DNAH10: variants seen among roughly 807,000 people sequenced by gnomAD.
The protein encoded by DNAH10 is dynein axonemal heavy chain 10, also known as axonemal beta dynein heavy chain 10.
DNAH10 carries 348 observed loss-of-function variants against 506.6 expected under a neutral mutation model. The ratio of observed to expected loss-of-function variants is 0.69; its 90% CI spans 0.63 to 0.75. DNAH10 has a LOEUF of 0.75. DNAH10 is among the 30% of genes least tolerant of loss of function. DNAH10 has a pLI of 0.00. For synonymous variants in DNAH10, 2,059 were observed against 2,198.6 expected, an observed-to-expected ratio of 0.94 and a Z score of 1.78; for missense variants, 5,179 against 5,787.1, an observed-to-expected ratio of 0.89 and a Z score of 3.41.
In DNAH10 at chr12:123,787,930, T is replaced by G; in HGVS notation, c.1548T>G (p.Phe516Leu). The change falls in exon 10 of 79, where the codon TTT (phenylalanine) becomes TTG (leucine). Residue 516 changes from phenylalanine to leucine, a missense_variant. Coordinates refer to ENST00000673944, the MANE Select transcript of DNAH10 (RefSeq NM_001372106.1). The surrounding 1 kb of genome is among the most constrained non-coding windows in gnomAD (Gnocchi z 4.6). ...CGGGGAGGGAAGATCGGTGGGAGTT[T>G]GACCGGAAGCGGCTGTTCGAGAGGA... The part of the protein sequence containing the change: ...EASGREDRWE[F>L]DRKRLFERTD... The G allele has an allele frequency of 2.5e-6, 4 of 1,607,862 alleles. No homozygotes were observed. The highest frequency in any genetic ancestry group is 2.2e-5 in the South Asian group (2 of 89,750).
intron 43 of DNAH10, among the ~76,000 whole-genome samples, chr12:123,869,887 TG>T (rs1951959685): frequency 6.6e-6 from 1 of 152,202 alleles, no homozygotes; most frequent in Admixed American, 6.5e-5. Context: ...CTGCCCCGCC[TG>T]GGTTGCTGCC....
At chr12:123,833,375 A>T in intron 27 of DNAH10, 28 bp downstream of exon 27, 2 of 1,570,862 alleles carry the variant, frequency 1.3e-6, no homozygotes, top group South Asian at 2.3e-5. Flanking sequence ...CAAAAGATGG[A>T]TTAGAGCCAG....
chr12:123,844,666 T>C (rs1950886124), intron 30 of DNAH10, among the ~76,000 whole-genome samples: 1 of 152,190 alleles, frequency 6.6e-6, no homozygotes, highest in Non-Finnish European at 1.5e-5. Flanking sequence ...TGAGACAGGG[T>C]CTTGCTCTGT....
intron 50 of DNAH10, among the ~76,000 whole-genome samples, chr12:123,881,422 TG>T (rs1952501221): frequency 6.6e-6 from 1 of 152,240 alleles, no homozygotes; most frequent in Non-Finnish European, 1.5e-5. Context: ...CATTTTTTCA[TG>T]TGTCTTTTGG....
Position 123,850,024 on chromosome 12 carries a change from CCTGGGCCAT to C in DNAH10, c.6103-847_6103-839del, listed in dbSNP as rs1190315067. Reference sequence around the variant, plus strand: ...GAGGCAGCAGCTATCTGCTCTTCCCCCTGGGCCATCTGGGCCATCTGGGCCTCTTGTGGG... The same window carrying C: ...GAGGCAGCAGCTATCTGCTCTTCCCCCTGGGCCATCTGGGCCTCTTGTGGG... On this transcript the variant is annotated intron_variant, in intron 34 of 78. Transcript: ENST00000673944. The surrounding 1 kb of genome is among the most constrained non-coding windows in gnomAD (Gnocchi z 5.5). Among the ~76,000 whole-genome samples the C allele has an allele frequency of 6.6e-6, 1 of 152,102 alleles. No homozygotes were observed. The highest frequency in any genetic ancestry group is 1.5e-5 in the Non-Finnish European group (1 of 68,022).
At chr12:123,852,115 C>T (rs1489778408) in intron 35 of DNAH10, among the ~76,000 whole-genome samples, 1 of 152,180 alleles carries the variant, frequency 6.6e-6, no homozygotes, top group African/African-American at 2.4e-5. Context: ...ACCCTAACTC[C>T]TGCAACCCCT....
intron 27 of DNAH10, among the ~76,000 whole-genome samples, chr12:123,834,299 C>A (rs939892528): frequency 6.6e-6 from 1 of 152,162 alleles, no homozygotes; most frequent in African/African-American, 2.4e-5. Context: ...CCTCTGCCAG[C>A]CGGATTCAAG....
At chr12:123,896,614 C>T (rs372133923) in intron 54 of DNAH10, among the ~76,000 whole-genome samples, 4 of 151,362 alleles carry the variant, frequency 2.6e-5, no homozygotes, top group Non-Finnish European at 5.9e-5. Flanking sequence ...GTGATCGCTT[C>T]TGAAAACCCA....
In DNAH10 at chr12:123,819,245, A is replaced by T. The variant is rs751917258; in HGVS notation, c.3995A>T (p.Asp1332Val). 6.2e-7 allele frequency: 1 copy of T among 1,611,280 alleles called. No individual in the cohort carries two copies. Among genetic ancestry groups the T allele is most frequent in the South Asian group, 1.1e-5 (1 of 90,326 alleles). Residue 1332 changes from aspartate (D) to valine (V), a missense_variant, in exon 23 of 79, where the codon GAT (aspartate) becomes GTT (valine). Asp to Val is a radical substitution (Grantham distance 152, BLOSUM62 -3). Transcript: ENST00000673944. Reference sequence around the variant, plus strand: ...CCTGGTTCTGTTGGTGATGATCTTGATAAAGGTAAGAATGTTCCTGTTGGT... The same window carrying T: ...CCTGGTTCTGTTGGTGATGATCTTGTTAAAGGTAAGAATGTTCCTGTTGGT... ...EGPGSVGDDL[D>V]KGVELLGVYE...
rs951475672 is a variant in DNAH10, at chr12:123,881,730, C to T, written c.8740C>T (p.Arg2914Cys). The change falls in exon 51 of 79, where the codon CGC (arginine) becomes TGC (cysteine). Residue 2914 changes from arginine (R) to cysteine (C), a missense_variant. Arg to Cys is a radical substitution (Grantham distance 180). Transcript: ENST00000673944. ...GGTGCACCGTATCATCCGCATGGAC[C>T]GCGGCCACGCCCTGCTGGTCGGGGT... ...TRVHRIIRMD[R>C]GHALLVGVGG... 21 of 1,548,136 alleles carry T rather than the reference C, an allele frequency of 1.4e-5. No homozygotes were observed. The highest frequency in any genetic ancestry group is 2.5e-5 in the East Asian group (1 of 40,800).
intron 54 of DNAH10, among the ~76,000 whole-genome samples, chr12:123,895,706 C>T (rs1023690685): frequency 2.0e-5 from 3 of 152,170 alleles, no homozygotes; most frequent in African/African-American, 4.8e-5. Context: ...TTCTCAGAGG[C>T]GTATTTGCCG....
At chr12:123,776,335 T>C (rs1475587970) in intron 5 of DNAH10, among the ~76,000 whole-genome samples, 1 of 151,944 alleles carries the variant, frequency 6.6e-6, no homozygotes, top group Admixed American at 6.6e-5. Context: ...AGAATGACTC[T>C]TGGTCCCAGC....
intron 77 of DNAH10, among the ~76,000 whole-genome samples, chr12:123,933,755 T>C (rs1055671645): frequency 2.6e-5 from 4 of 152,182 alleles, no homozygotes; most frequent in Non-Finnish European, 5.9e-5. Context: ...AGGGGAGACC[T>C]GAACCATGTT....
chr12:123,837,809 T>G (rs1169546474), intron 28 of DNAH10, among the ~76,000 whole-genome samples: 2 of 151,510 alleles, frequency 1.3e-5, no homozygotes. Flanking sequence ...TTGCCCAGTC[T>G]GGTCTCAAAC....
intron 57 of DNAH10, among the ~76,000 whole-genome samples, chr12:123,904,324 A>G (rs1953674012): frequency 6.6e-6 from 1 of 152,208 alleles, no homozygotes. Context: ...GTGCACACCC[A>G]GCGGAGGGGT....
intron 18 of DNAH10, among the ~76,000 whole-genome samples, chr12:123,807,915 G>GA (rs1555221494): frequency 6.8e-4 from 1 of 1,474 alleles, no homozygotes; most frequent in African/African-American, 2.8e-3. Flanking sequence ...GGGAGAGAGA[G>GA]GAGAGAGAAG....
chr12:123,924,963 C>T (rs1401190075), intron 67 of DNAH10, 87 bp from the exon 68 acceptor site: 2 of 1,544,436 alleles, frequency 1.3e-6, no homozygotes, highest in Non-Finnish European at 8.8e-7. Context: ...TCGTCCCTTT[C>T]CAGTGGCTTT....
intron 26 of DNAH10, among the ~76,000 whole-genome samples, chr12:123,831,032 G>A (rs1960488960): frequency 6.6e-6 from 1 of 152,126 alleles, no homozygotes; most frequent in Non-Finnish European, 1.5e-5. Flanking sequence ...TGTAGAAATA[G>A]AATTTCCTTA....
At position 123,870,403 on chromosome 12, in the gene DNAH10, C is replaced by G. The variant is rs1377976378; in HGVS notation, c.7557C>G (p.Asn2519Lys). Residue 2519 changes from asparagine to lysine, a missense_variant, in exon 44 of 79, where the codon AAC (asparagine) becomes AAG (lysine). Asn to Lys is a moderately conservative substitution (Grantham distance 94, BLOSUM62 0). Around this residue, in one of 3 missense-constraint regions of DNAH10, gnomAD observed 4,844 missense variants for 5,430.5 expected, o/e 0.89. Coordinates refer to ENST00000673944, the MANE Select transcript of DNAH10 (RefSeq NM_001372106.1). ...CCTTGTATGACTTTCATTTTGATAA[C>G]AAACGGAATCAATGGGTCCCATGGA... ...LPTLYDFHFD[N>K]KRNQWVPWSK... 1 of 1,613,900 alleles carries G rather than the reference C, an allele frequency of 6.2e-7. No individual in the cohort carries two copies. Among genetic ancestry groups the G allele is most frequent in the East Asian group, 2.2e-5 (1 of 44,884 alleles).
Sources: gnomAD v4.1 joint callset for allele counts (sites outside exome capture counted in the v4.1 genomes callset) on GRCh38, gnomAD v4.1.1 for gene constraint, gnomAD v4.1.1 regional missense constraint, Gnocchi (gnomAD v3.1) non-coding constraint, MANE v1.5 for transcripts, NCBI Gene and HGNC (gene_info 2026-07-23, HGNC 2026-07-21) for gene names.